TRAPPC9: variants seen among roughly 807,000 people sequenced by gnomAD.
TRAPPC9 encodes the protein IKK2 binding protein.
A neutral mutation model predicts 124.0 loss-of-function variants in TRAPPC9; 83 were observed. The ratio of observed to expected loss-of-function variants is 0.67; its 90% CI spans 0.56 to 0.80. The LOEUF is 0.80. Among genes scored for constraint, TRAPPC9 ranks in the 30% least tolerant of loss-of-function variants. The probability of loss-of-function intolerance (pLI) is 0.00; values close to 1 mark genes in which losing one functional copy is unlikely to be tolerated. For synonymous variants in TRAPPC9, 638 were observed against 617.5 expected (o/e 1.03, Z -0.49); for missense variants, 1,302 against 1,508.3 (o/e 0.86, Z 2.27).
intron 17 of TRAPPC9, among the ~76,000 whole-genome samples, chr8:140,179,407 T>A (rs1046345571): frequency 1.3e-5 from 2 of 152,144 alleles, no homozygotes; most frequent in Non-Finnish European, 2.9e-5. Flanking sequence ...GTTACTGAGT[T>A]TTAATTTAAT....
intron 21 of TRAPPC9, among the ~76,000 whole-genome samples, chr8:139,794,588 C>A (rs968943592): frequency 6.6e-6 from 1 of 152,160 alleles, no homozygotes; most frequent in Non-Finnish European, 1.5e-5. Flanking sequence ...AGGTGTGAAC[C>A]CTGCCCAGCA....
At chr8:140,313,365 C>A (rs2066353860) in intron 9 of TRAPPC9, among the ~76,000 whole-genome samples, 2 of 152,122 alleles carry the variant, frequency 1.3e-5, no homozygotes, top group Non-Finnish European at 2.9e-5. Context: ...CCACTTGCAC[C>A]GTTATCCAAG....
intron 19 of TRAPPC9, among the ~76,000 whole-genome samples, chr8:139,960,729 G>C (rs946445057): frequency 4.0e-5 from 5 of 124,388 alleles, no homozygotes; most frequent in African/African-American, 1.0e-4. Flanking sequence ...GTGACCATGT[G>C]GGGGACACCC....
chr8:139,851,023 T>C (rs1827409156), intron 21 of TRAPPC9, among the ~76,000 whole-genome samples: 2 of 152,328 alleles, frequency 1.3e-5, no homozygotes, highest in East Asian at 3.9e-4. Context: ...TTAGGAACTT[T>C]CACAAGCATC....
intron 5 of TRAPPC9, among the ~76,000 whole-genome samples, chr8:140,420,295 AAC>A (rs1317580464): frequency 6.6e-6 from 1 of 152,168 alleles, no homozygotes; most frequent in African/African-American, 2.4e-5. Flanking sequence ...CAAACTGATC[AAC>A]AGTTTGGAGA....
chr8:139,974,951 C>G (rs751568057), intron 19 of TRAPPC9, among the ~76,000 whole-genome samples: 4 of 152,138 alleles, frequency 2.6e-5, no homozygotes, highest in Non-Finnish European at 5.9e-5. Context: ...TGCCTCCCAT[C>G]AGCAGACCTA....
intron 9 of TRAPPC9, among the ~76,000 whole-genome samples, chr8:140,319,530 C>T (rs1023386551): frequency 4.0e-5 from 6 of 151,682 alleles, no homozygotes; most frequent in African/African-American, 1.2e-4. Context: ...GGCTGGAGTA[C>T]AGTGGCGCGA....
intron 5 of TRAPPC9, among the ~76,000 whole-genome samples, chr8:140,417,881 A>C (rs1201373981): frequency 6.6e-6 from 1 of 152,278 alleles, no homozygotes; most frequent in African/African-American, 2.4e-5. Context: ...CTATGCAGCC[A>C]TAAAAAAGGA....
intron 9 of TRAPPC9, among the ~76,000 whole-genome samples, chr8:140,346,281 AT>A: frequency 6.6e-6 from 1 of 152,288 alleles, no homozygotes; most frequent in East Asian, 1.9e-4. Flanking sequence ...TCTCCAGGTC[AT>A]CCCCAAAGGA....
At chr8:140,262,721 A>C (rs887646994) in intron 15 of TRAPPC9, 2 of 152,214 alleles carry the variant, frequency 1.3e-5, no homozygotes, top group African/African-American at 4.8e-5. Context: ...GACAGGGTTC[A>C]TGCATTATTC....
intron 9 of TRAPPC9, among the ~76,000 whole-genome samples, chr8:140,326,404 T>C (rs1216245449): frequency 1.3e-5 from 2 of 152,118 alleles, no homozygotes; most frequent in Non-Finnish European, 2.9e-5. Context: ...CCTATGTGCC[T>C]CATAAGTAGC....
chr8:140,226,129 T>C (rs189948407), intron 16 of TRAPPC9, among the ~76,000 whole-genome samples: 4 of 152,264 alleles, frequency 2.6e-5, no homozygotes, highest in African/African-American at 9.6e-5. Flanking sequence ...GGATCAAGGT[T>C]GGCCTTGATC....
At position 139,886,085 on chromosome 8, in the gene TRAPPC9, T is replaced by C; in HGVS notation, c.2965-116A>G. 3 of 966,952 alleles carry C rather than the reference T, an allele frequency of 3.1e-6. 1 individual carries two copies. Among genetic ancestry groups the C allele is most frequent in the Middle Eastern group, 4.2e-4 (2 of 4,786 alleles). 59.9% of individuals were successfully genotyped at this position (966,952 alleles called of 1,614,324 possible). A position where few individuals can be genotyped will look rare whatever the true frequency, so the allele number is the denominator to read the frequency against. On this transcript the variant is annotated intron_variant, in intron 20 of 22. Coordinates refer to ENST00000438773, the MANE Select transcript of TRAPPC9 (RefSeq NM_001160372.4). ...AACCTCCTACAGCAGATGTCTCCCCTCTTCTGAAGGGACTGTCTAACCAAC... is the reference window on the plus strand; with the variant it reads ...AACCTCCTACAGCAGATGTCTCCCCCCTTCTGAAGGGACTGTCTAACCAAC...
chr8:140,248,336 T>G (rs758382579), intron 16 of TRAPPC9, among the ~76,000 whole-genome samples: 8 of 152,232 alleles, frequency 5.3e-5, no homozygotes, highest in Admixed American at 5.2e-4. Flanking sequence ...GAGGAATTAT[T>G]TGCACTCATC....
At position 140,439,111 on chromosome 8, in the gene TRAPPC9, A is replaced by G; in HGVS notation, c.671T>C (p.Val224Ala). ...LQAGMLQDSLVHYHMSVELLR... is the reference protein window; with the variant it reads ...LQAGMLQDSLAHYHMSVELLR... ...CAGCTCCACCGACATGTGGTAATGC[A>G]CCAGGGAGTCCTGCAGCATCCCTGC... The change falls in exon 3 of 23, where the codon GTG becomes GCG. Residue 224 changes from valine (V) to alanine (A), a missense_variant. Around this residue, in one of 3 missense-constraint regions of TRAPPC9, gnomAD observed 657 missense variants for 811.2 expected, o/e 0.81. Transcript: ENST00000438773. The G allele has an allele frequency of 6.2e-7, 1 of 1,614,238 alleles. No individual in the cohort carries two copies. Among genetic ancestry groups the G allele is most frequent in the African/African-American group, 1.3e-5 (1 of 75,062 alleles).
At chr8:140,445,195 TCA>T (rs2071200170) in intron 2 of TRAPPC9, among the ~76,000 whole-genome samples, 1 of 152,134 alleles carries the variant, frequency 6.6e-6, no homozygotes, top group Non-Finnish European at 1.5e-5. Context: ...TCTGTTCGAG[TCA>T]CACTCTCAGA....
chr8:139,935,336 G>A (rs1833443459), intron 19 of TRAPPC9, among the ~76,000 whole-genome samples: 1 of 152,210 alleles, frequency 6.6e-6, no homozygotes, highest in Non-Finnish European at 1.5e-5. Flanking sequence ...GTTACAGGGT[G>A]ACCTGCCAGC....
At chr8:140,392,946 A>G (rs1343699853) in intron 7 of TRAPPC9, among the ~76,000 whole-genome samples, 3 of 152,258 alleles carry the variant, frequency 2.0e-5, no homozygotes, top group African/African-American at 7.2e-5. Context: ...AGCCAAGCAC[A>G]GTGCTTAGCA....
intron 19 of TRAPPC9, among the ~76,000 whole-genome samples, chr8:139,974,850 C>T (rs1836334264): frequency 6.6e-6 from 1 of 152,108 alleles, no homozygotes; most frequent in Non-Finnish European, 1.5e-5. Context: ...GCCCGGCAGC[C>T]TCCGGCTGCC....
Sources: allele counts gnomAD v4.1 joint callset (sites outside exome capture counted in the v4.1 genomes callset), GRCh38; gene constraint gnomAD v4.1.1; regional missense constraint gnomAD v4.1.1; transcripts MANE v1.5; gene names NCBI Gene and HGNC (gene_info 2026-07-23, HGNC 2026-07-21).